The following TMEM120B variants were observed in gnomAD, a reference collection of about 807,000 sequenced individuals.
The protein encoded by TMEM120B is transmembrane protein 120B.
In TMEM120B, 31 loss-of-function variants were observed where a neutral mutation model predicts 55.5. The ratio of observed to expected loss-of-function variants is 0.56; its 90% CI spans 0.42 to 0.75. The LOEUF (loss-of-function observed/expected upper bound fraction) is 0.75. Among genes scored for constraint, TMEM120B ranks in the 30% least tolerant of loss-of-function variants. The pLI is 0.00. For missense variants in TMEM120B, 399 were observed against 425.5 expected, an observed-to-expected ratio of 0.94 and a Z score of 0.55; for synonymous variants, 203 against 176.3, an observed-to-expected ratio of 1.15 and a Z score of -1.20.
At chr12:121,770,402 G>A (rs1225549108) in intron 6 of TMEM120B, among the ~76,000 whole-genome samples, 2 of 152,148 alleles carry the variant, frequency 1.3e-5, no homozygotes, top group Non-Finnish European at 1.5e-5. Flanking sequence ...TACAGTCACG[G>A]ACGTTCTAAG....
rs571593327 is a variant in TMEM120B at position 121,776,216 on chromosome 12, G to A, written c.*494G>A. 3.0e-5 allele frequency: 8 copies of A among 265,808 alleles called. No individual in the cohort carries two copies. Among genetic ancestry groups the A allele is most frequent in the African/African-American group, 8.9e-5 (4 of 45,100 alleles). 16.5% of individuals were successfully genotyped at this position (265,808 alleles called of 1,614,324 possible). A position where few individuals can be genotyped will look rare whatever the true frequency, so the allele number is the denominator to read the frequency against. On this transcript the variant is annotated 3_prime_UTR_variant, in exon 12 of 12. Coordinates refer to ENST00000449592, the MANE Select transcript of TMEM120B (RefSeq NM_001080825.2). ...TGTGAGCCCCCTCCTCGCCCACCCC[G>A]CCACGTGGTGAGGGTTATTTTAAGT...
At chr12:121,746,936 C>T (rs1228099818) in intron 2 of TMEM120B, among the ~76,000 whole-genome samples, 18 of 148,832 alleles carry the variant, frequency 1.2e-4, no homozygotes, top group South Asian at 4.3e-4. Context: ...CCAGCCTGGG[C>T]GACAGAGCAA....
Position 121,781,386 on chromosome 12 carries a change from G to A in TMEM120B, c.*5664G>A, listed in dbSNP as rs775016764. ...CTCGGGAGGCTGAGGCCGGAGGATC[G>A]CTTGAGCCCAGGAGGTCAAGGCTAC... On this transcript the variant is annotated 3_prime_UTR_variant, in exon 12 of 12. Transcript: ENST00000449592. The A allele has an allele frequency of 1.7e-4, 96 of 565,874 alleles. No homozygotes were observed. Among genetic ancestry groups the A allele is most frequent in the South Asian group, 9.6e-4 (48 of 50,212 alleles). 35.1% of individuals were successfully genotyped at this position (565,874 alleles called of 1,614,324 possible). A position where few individuals can be genotyped will look rare whatever the true frequency, so the allele number is the denominator to read the frequency against.
Position 121,775,472 on chromosome 12 carries a change from TG to T in TMEM120B, c.907-136del, listed in dbSNP as rs367647301. 9.9e-4 allele frequency: 1,434 copies of T among 1,447,950 alleles called. 22 individuals carry two copies. The South Asian group carries it at 0.02, about 20-fold the overall frequency. The allele number at this position is 1,447,950 out of a possible 1,614,324, so 89.7% of individuals were successfully genotyped here. On this transcript the variant is annotated intron_variant, in intron 11 of 11. Transcript: ENST00000449592. The surrounding 1 kb of genome is among the most constrained non-coding windows in gnomAD (Gnocchi z 4.3). ...GGCCTCACCCTTCCCCCAGGTCTCC[TG>T]AATCTCTGCCTTCGATGGCAAAACC...
intron 1 of TMEM120B, among the ~76,000 whole-genome samples, chr12:121,732,601 C>G (rs1343427769): frequency 6.6e-6 from 1 of 152,148 alleles, no homozygotes; most frequent in Non-Finnish European, 1.5e-5. Context: ...GAGTGTTGCT[C>G]AGATGTGGAC....
At chr12:121,750,525 C>A in intron 4 of TMEM120B, 86 bp downstream of exon 4, 1 of 1,033,602 alleles carries the variant, frequency 9.7e-7, no homozygotes, top group Non-Finnish European at 1.5e-6. Flanking sequence ...CACTGAGAAC[C>A]CACACCCCAC....
chr12:121,721,804 C>CTTTTTTTTTTTTTTT (rs56702857), intron 1 of TMEM120B, among the ~76,000 whole-genome samples: 14 of 91,852 alleles, frequency 1.5e-4, no homozygotes, highest in East Asian at 3.4e-4. Context: ...ATCAGTTCTA[C>CTTTTTTTTTTTTTTT]TTTTTTTTTT....
intron 5 of TMEM120B, among the ~76,000 whole-genome samples, chr12:121,755,885 C>T (rs1566519332): frequency 6.6e-6 from 1 of 152,072 alleles, no homozygotes; most frequent in Admixed American, 6.6e-5. Context: ...TTGCTCCACC[C>T]TTCTGATCTG....
rs1418071650 is a variant in TMEM120B, at chr12:121,712,963, A to C, written c.68A>C (p.Gln23Pro). Residue 23 changes from glutamine (Q) to proline (P), a missense_variant and splice_region_variant, in exon 1 of 12, where the codon CAG becomes CCG. By Grantham distance (76) the Gln-to-Pro change is moderately conservative. Transcript: ENST00000449592. The part of the protein sequence containing the change: ...HELEGEFQEL[Q>P]ETHRIYKQKL... ...CTGGAGGGAGAATTTCAAGAACTGC[A>C]GGTAGGGCCAGGCCACCTGGTCCCG... is the stretch of plus-strand genomic sequence containing the variant. 2.6e-6 allele frequency: 4 copies of C among 1,537,978 alleles called. No homozygotes were observed.
At chr12:121,718,263 A>G (rs921366093) in intron 1 of TMEM120B, among the ~76,000 whole-genome samples, 2 of 152,274 alleles carry the variant, frequency 1.3e-5, no homozygotes, top group East Asian at 1.9e-4. Flanking sequence ...AGGGCAGAGC[A>G]CTTTGAGCTT....
At chr12:121,759,577 C>CT (rs1873601891) in intron 5 of TMEM120B, among the ~76,000 whole-genome samples, 1 of 151,906 alleles carries the variant, frequency 6.6e-6, no homozygotes, top group Non-Finnish European at 1.5e-5. Flanking sequence ...ACTCTGGAGG[C>CT]TGAGGCAAGA....
intron 6 of TMEM120B, among the ~76,000 whole-genome samples, chr12:121,765,452 C>G (rs1425801084): frequency 6.6e-6 from 1 of 151,910 alleles, no homozygotes; most frequent in East Asian, 1.9e-4. Flanking sequence ...TACTAAGGAC[C>G]TTTTATGGCA....
rs1006110619 is a variant in TMEM120B at position 121,771,473 on chromosome 12, C to T, written c.618-15C>T. ...TAGTGGGCCCCACCTTTGTTTTTTC[C>T]TACCTTCTCTCCAGGCCTAATGGAC... On this transcript the variant is annotated splice_polypyrimidine_tract_variant and intron_variant, in intron 7 of 11. Coordinates refer to ENST00000449592, the MANE Select transcript of TMEM120B (RefSeq NM_001080825.2). 5 of 1,613,120 alleles carry T rather than the reference C, an allele frequency of 3.1e-6. No homozygotes were observed. Among genetic ancestry groups the T allele is most frequent in the Non-Finnish European group, 3.4e-6 (4 of 1,179,226 alleles).
intron 1 of TMEM120B, among the ~76,000 whole-genome samples, chr12:121,719,482 A>G (rs773277755): frequency 1.3e-5 from 2 of 152,050 alleles, no homozygotes; most frequent in Non-Finnish European, 2.9e-5. Flanking sequence ...CCTACTTGGG[A>G]GGCTGAAGTG....
At chr12:121,772,530 G>A (rs191700766) in intron 8 of TMEM120B, among the ~76,000 whole-genome samples, 132 of 151,766 alleles carry the variant, frequency 8.7e-4, no homozygotes, top group African/African-American at 2.9e-3. Context: ...CCACCTCCCG[G>A]TTCAAGCGAT....
At chr12:121,751,090 T>C (rs1195900578) in intron 4 of TMEM120B, among the ~76,000 whole-genome samples, 122 of 31,294 alleles carry the variant, frequency 3.9e-3, no homozygotes, top group Non-Finnish European at 4.2e-3. Flanking sequence ...ACCCCACACC[T>C]ACACCCCACA....
chr12:121,764,871 G>T (rs1873797229), intron 6 of TMEM120B, among the ~76,000 whole-genome samples: 1 of 152,104 alleles, frequency 6.6e-6, no homozygotes, highest in Non-Finnish European at 1.5e-5. Context: ...TCCAAAGCCA[G>T]CCTCCCTTGC....
chr12:121,722,043 C>G (rs190637495), intron 1 of TMEM120B, among the ~76,000 whole-genome samples: 1 of 151,040 alleles, frequency 6.6e-6, no homozygotes, highest in South Asian at 2.1e-4. Context: ...CCTTGTGATC[C>G]GCCCGCTTTG....
chr12:121,742,278 C>T (rs1872954901), intron 1 of TMEM120B, among the ~76,000 whole-genome samples: 1 of 151,948 alleles, frequency 6.6e-6, no homozygotes, highest in South Asian at 2.1e-4. Flanking sequence ...GCTGGGATTA[C>T]AGACGTGAGC....
Sources: allele counts gnomAD v4.1 joint callset (sites outside exome capture counted in the v4.1 genomes callset), GRCh38; gene constraint gnomAD v4.1.1; non-coding constraint Gnocchi (gnomAD v3.1); transcripts MANE v1.5; gene names NCBI Gene and HGNC (gene_info 2026-07-23, HGNC 2026-07-21).